Variants in PRLR observed in about 807,000 individuals in gnomAD.
PRLR encodes prolactin receptor.
Under a neutral mutation model 40.2 loss-of-function variants are expected in PRLR, and 13 were observed. That is an observed-to-expected ratio of 0.32 (90% CI 0.21 to 0.51). PRLR has a LOEUF of 0.51. Ranked by LOEUF, PRLR falls within the 20% of genes least tolerant of loss-of-function variation. The pLI is 0.97. For synonymous variants in PRLR, 269 were observed against 278.7 expected, an observed-to-expected ratio of 0.97 and a Z score of 0.35; for missense variants, 656 against 747.3, an observed-to-expected ratio of 0.88 and a Z score of 1.42.
chr5:35,119,720 T>G (rs1463695401), intron 1 of PRLR, among the ~76,000 whole-genome samples: 1 of 152,184 alleles, frequency 6.6e-6, no homozygotes, highest in Admixed American at 6.5e-5. Flanking sequence ...CCTGTTCTGT[T>G]CAGAGCAAAT....
At chr5:35,227,670 A>G (rs528893224) in intron 1 of PRLR, among the ~76,000 whole-genome samples, 1 of 152,276 alleles carries the variant, frequency 6.6e-6, no homozygotes, top group South Asian at 2.1e-4. Context: ...TCCTTCTTTC[A>G]TTGCTACATC....
Position 35,091,186 on chromosome 5 carries a change from CG to C in PRLR, c.-43-1524del, listed in dbSNP as rs199706792. On this transcript the variant is annotated intron_variant, in intron 2 of 9. Coordinates refer to ENST00000618457, the MANE Select transcript of PRLR (RefSeq NM_000949.7). Reference sequence around the variant, plus strand: ...CAGTGGTGGATCCTGTGAGGTGACCCGTATTTTGTTCTTTTGGGGACCTTCT... The same window carrying C: ...CAGTGGTGGATCCTGTGAGGTGACCCTATTTTGTTCTTTTGGGGACCTTCT... 7.0e-4 allele frequency among the ~76,000 whole-genome samples: 107 copies of C among 152,136 alleles called. No individual in the cohort carries two copies. In the East Asian group the frequency reaches 0.018, roughly 25 times the overall value.
In PRLR at chr5:35,065,900, C is replaced by T; in HGVS notation, c.1058G>A (p.Ser353Asn). ...AGACAAAAGGGAAGGGCTGTCACAG[C>T]TCCCCCGGCCTGAGTCAGTGTCAGG... ...LDPDTDSGRG[S>N]CDSPSLLSEK... The change falls in exon 10 of 10, where the codon AGC becomes AAC. Residue 353 changes from serine (S) to asparagine (N), a missense_variant. By Grantham distance (46) the Ser-to-Asn change is conservative (BLOSUM62 1). Coordinates refer to ENST00000618457, the MANE Select transcript of PRLR (RefSeq NM_000949.7). 2 of 1,614,138 alleles carry T rather than the reference C, an allele frequency of 1.2e-6. No individual in the cohort carries two copies. Among genetic ancestry groups the T allele is most frequent in the East Asian group, 4.5e-5 (2 of 44,870 alleles).
At chr5:35,117,797 G>A (rs1773113233) in intron 2 of PRLR, among the ~76,000 whole-genome samples, 1 of 152,214 alleles carries the variant, frequency 6.6e-6, no homozygotes, top group South Asian at 2.1e-4. Context: ...TCTCATGATT[G>A]CACCACTAGG....
intron 9 of PRLR, among the ~76,000 whole-genome samples, chr5:35,067,744 G>A (rs1025040832): frequency 7.3e-4 from 111 of 152,264 alleles, no homozygotes; most frequent in African/African-American, 2.6e-3. Context: ...TGGCCCCACA[G>A]TACTGATCTG....
At chr5:35,214,767 C>G (rs887902116) in intron 1 of PRLR, among the ~76,000 whole-genome samples, 1 of 152,190 alleles carries the variant, frequency 6.6e-6, no homozygotes, top group Non-Finnish European at 1.5e-5. Flanking sequence ...TATACATAGG[C>G]CAAGCTAATG....
chr5:35,115,134 T>G (rs973730967), intron 2 of PRLR, among the ~76,000 whole-genome samples: 1 of 152,240 alleles, frequency 6.6e-6, no homozygotes, highest in African/African-American at 2.4e-5. Context: ...TCAATGTGAC[T>G]GAGGCATGAA....
At chr5:35,156,639 G>A (rs958274536) in intron 1 of PRLR, among the ~76,000 whole-genome samples, 3 of 152,172 alleles carry the variant, frequency 2.0e-5, no homozygotes, top group Non-Finnish European at 4.4e-5. Context: ...CAGGGCTTAT[G>A]AACTTGCTAT....
At chr5:35,204,269 A>C (rs1775955659) in intron 1 of PRLR, among the ~76,000 whole-genome samples, 2 of 152,004 alleles carry the variant, frequency 1.3e-5, no homozygotes, top group Admixed American at 1.3e-4. Flanking sequence ...ACACACAAGA[A>C]GATCAGAATG....
rs1768839486 is a variant in PRLR at position 35,058,381 on chromosome 5, T to C, written c.*6708A>G. The C allele has an allele frequency of 6.6e-6, 1 of 152,208 alleles. No individual in the cohort carries two copies. Among genetic ancestry groups the C allele is most frequent in the African/African-American group, 2.4e-5 (1 of 41,450 alleles). 9.4% of individuals were successfully genotyped at this position (152,208 alleles called of 1,614,324 possible). A position where few individuals can be genotyped will look rare whatever the true frequency, so the allele number is the denominator to read the frequency against. On this transcript the variant is annotated 3_prime_UTR_variant, in exon 10 of 10. Transcript: ENST00000618457. ...TTCCACATGAGACTTTTCAATTGTT[T>C]AAAATGAACGATGAAGCACAAAATC...
intron 1 of PRLR, among the ~76,000 whole-genome samples, chr5:35,175,172 T>A (rs1267297031): frequency 6.6e-6 from 1 of 152,126 alleles, no homozygotes; most frequent in Non-Finnish European, 1.5e-5. Context: ...AATGCGCACG[T>A]GTTGTGGGAG....
chr5:35,106,741 C>A (rs1239621421), intron 2 of PRLR, among the ~76,000 whole-genome samples: 1 of 152,162 alleles, frequency 6.6e-6, no homozygotes, highest in African/African-American at 2.4e-5. Context: ...CCTTAGAGAC[C>A]TGCAAGGAGA....
chr5:35,114,303 TC>T (rs1772878198), intron 2 of PRLR, among the ~76,000 whole-genome samples: 1 of 152,240 alleles, frequency 6.6e-6, no homozygotes. Context: ...AGCATGAGTA[TC>T]TTTTAATGTA....
intron 1 of PRLR, among the ~76,000 whole-genome samples, chr5:35,148,041 A>C (rs1467655878): frequency 2.0e-5 from 3 of 152,166 alleles, no homozygotes; most frequent in Non-Finnish European, 4.4e-5. Context: ...TCATAGGTTT[A>C]AGTTTTATAC....
At chr5:35,159,627 C>A (rs1774616029) in intron 1 of PRLR, among the ~76,000 whole-genome samples, 1 of 152,206 alleles carries the variant, frequency 6.6e-6, no homozygotes, top group Non-Finnish European at 1.5e-5. Context: ...AGGAATGTGG[C>A]AAATTCCTTG....
chr5:35,147,828 T>G (rs904411376), intron 1 of PRLR, among the ~76,000 whole-genome samples: 1 of 152,072 alleles, frequency 6.6e-6, no homozygotes, highest in African/African-American at 2.4e-5. Flanking sequence ...AAACCAATGA[T>G]TTGTCAAATT....
At position 35,167,126 on chromosome 5, in the gene PRLR, C is replaced by A. The variant is rs139507069; in HGVS notation, c.-105-49004G>T. Among the ~76,000 whole-genome samples, 354 of 149,008 alleles carry A rather than the reference C, an allele frequency of 2.4e-3. 1 individual carries two copies. Among genetic ancestry groups the A allele is most frequent in the African/African-American group, 8.4e-3 (339 of 40,338 alleles). ...TGCTGCTGCTAAAAATAACATCAATCTGTTTGTCTATCATCTATCTATCTA... is the reference window on the plus strand; with the variant it reads ...TGCTGCTGCTAAAAATAACATCAATATGTTTGTCTATCATCTATCTATCTA... On this transcript the variant is annotated intron_variant, in intron 1 of 9. Transcript: ENST00000618457.
chr5:35,144,474 A>G (rs1774119246), intron 1 of PRLR, among the ~76,000 whole-genome samples: 1 of 152,128 alleles, frequency 6.6e-6, no homozygotes, highest in African/African-American at 2.4e-5. Context: ...TTTTTGAGGC[A>G]GAGTCTCGCT....
At chr5:35,106,466 T>C (rs886212642) in intron 2 of PRLR, among the ~76,000 whole-genome samples, 3 of 152,206 alleles carry the variant, frequency 2.0e-5, no homozygotes, top group African/African-American at 7.2e-5. Context: ...ATCAGTGTGC[T>C]GTATTCAGGA....
Sources: gnomAD v4.1 joint callset for allele counts (sites outside exome capture counted in the v4.1 genomes callset) on GRCh38, gnomAD v4.1.1 for gene constraint, MANE v1.5 for transcripts, NCBI Gene and HGNC (gene_info 2026-07-23, HGNC 2026-07-21) for gene names.